The following ADGRV1 variants were observed in gnomAD, a reference collection of about 807,000 sequenced individuals.
The protein encoded by ADGRV1 is G-protein coupled receptor 98.
In ADGRV1, 359 loss-of-function variants were observed where a neutral mutation model predicts 596.2. That is an observed-to-expected ratio of 0.60 (90% CI 0.55 to 0.66). ADGRV1 has a LOEUF of 0.66. ADGRV1 is among the 30% of genes least tolerant of loss of function. The pLI is 0.00. For synonymous variants in ADGRV1, 2,681 were observed against 2,679.2 expected (o/e 1.00, Z -0.02); for missense variants, 7,274 against 7,575.6 (o/e 0.96, Z 1.48).
chr5:90,776,430 G>A (rs749537655), intron 60 of ADGRV1, 23 bp from the exon 61 acceptor site: 59 of 1,596,908 alleles, frequency 3.7e-5, no homozygotes, highest in Non-Finnish European at 4.9e-5. Context: ...GCTACAAAGT[G>A]GTCTATATCA....
intron 89 of ADGRV1, among the ~76,000 whole-genome samples, chr5:91,154,667 T>G (rs1796324107): frequency 6.6e-6 from 1 of 152,214 alleles, no homozygotes. Flanking sequence ...GGAAAGAGGT[T>G]TAATTGACTC....
intron 33 of ADGRV1, 31 bp from the exon 34 acceptor site, chr5:90,696,905 CT>C (rs762758886): frequency 1.9e-6 from 3 of 1,541,288 alleles, no homozygotes; most frequent in Non-Finnish European, 2.7e-6. Flanking sequence ...GATTTTGTTA[CT>C]TTGGTTTTTA....
intron 89 of ADGRV1, among the ~76,000 whole-genome samples, chr5:91,157,194 A>G (rs1275238907): frequency 6.6e-6 from 1 of 152,188 alleles, no homozygotes; most frequent in African/African-American, 2.4e-5. Context: ...GTCAAGTACT[A>G]AAACAGTGGG....
intron 50 of ADGRV1, among the ~76,000 whole-genome samples, chr5:90,732,105 G>A (rs528272526): frequency 1.6e-4 from 25 of 152,116 alleles, no homozygotes; most frequent in Non-Finnish European, 2.6e-4. Context: ...AGTTCAAGCC[G>A]TACTCCCACC....
intron 54 of ADGRV1, among the ~76,000 whole-genome samples, chr5:90,754,086 AG>A (rs1371185966): frequency 6.6e-6 from 1 of 152,124 alleles, no homozygotes; most frequent in Admixed American, 6.6e-5. Flanking sequence ...AGTACAGTAG[AG>A]GTGACTGTTT....
At chr5:90,580,746 C>T (rs1757919463) in intron 1 of ADGRV1, among the ~76,000 whole-genome samples, 1 of 152,060 alleles carries the variant, frequency 6.6e-6, no homozygotes, top group African/African-American at 2.4e-5. Context: ...GTGAATCTGA[C>T]AGTTATGTGT....
chr5:90,929,867 A>G (rs981828370), intron 83 of ADGRV1, among the ~76,000 whole-genome samples: 1 of 152,224 alleles, frequency 6.6e-6, no homozygotes, highest in Admixed American at 6.5e-5. Flanking sequence ...TACAACGTTA[A>G]GGAAAGTAAA....
chr5:90,759,962 T>A (rs1756310347), intron 58 of ADGRV1: 1 of 12,138 alleles, frequency 8.2e-5, no homozygotes, highest in African/African-American at 5.4e-4. Context: ...AGACTCCATC[T>A]CAAAAAAAAA....
chr5:90,879,525 A>G (rs1769553923), intron 83 of ADGRV1, among the ~76,000 whole-genome samples: 1 of 152,246 alleles, frequency 6.6e-6, no homozygotes, highest in South Asian at 2.1e-4. Context: ...TCCTGTTATC[A>G]AAGGAAGAAT....
intron 85 of ADGRV1, among the ~76,000 whole-genome samples, chr5:91,005,057 A>G (rs1321193547): frequency 1.3e-5 from 2 of 152,168 alleles, no homozygotes; most frequent in East Asian, 1.9e-4. Flanking sequence ...AATGCACCAC[A>G]TTCAACCCTA....
At chr5:90,970,562 A>AATATTTGCTGTTCT (rs1778873640) in intron 84 of ADGRV1, among the ~76,000 whole-genome samples, 1 of 127,228 alleles carries the variant, frequency 7.9e-6, no homozygotes, top group Non-Finnish European at 1.6e-5. Context: ...TTTGCTGTTC[A>AATATTTGCTGTTCT]GCAGCCTCTG....
Position 90,867,021 on chromosome 5 carries a change from A to C in ADGRV1, c.17856+3164A>C, listed in dbSNP as rs563408897. Among the ~76,000 whole-genome samples, 8 of 152,224 alleles carry C rather than the reference A, an allele frequency of 5.3e-5. No individual in the cohort carries two copies. In the South Asian group the frequency reaches 1.7e-3, roughly 32 times the overall value. On this transcript the variant is annotated intron_variant, in intron 83 of 89. Transcript: ENST00000405460. ...GGTATTGGGTGATATTTCTGAGAAA[A>C]ACATCTAATTATATCTTTGGGATTT...
At chr5:90,942,614 C>T (rs1314611429) in intron 83 of ADGRV1, among the ~76,000 whole-genome samples, 2 of 152,128 alleles carry the variant, frequency 1.3e-5, no homozygotes. Flanking sequence ...TTCAGCGAGG[C>T]TCTAGGGACT....
chr5:90,699,465 G>T (rs899221985), intron 34 of ADGRV1, among the ~76,000 whole-genome samples: 6 of 152,126 alleles, frequency 3.9e-5, no homozygotes, highest in African/African-American at 1.4e-4. Flanking sequence ...GGTATGGAAG[G>T]TACAAACAAG....
chr5:90,968,820 T>C (rs564518717), intron 84 of ADGRV1, among the ~76,000 whole-genome samples: 38 of 152,344 alleles, frequency 2.5e-4, no homozygotes, highest in African/African-American at 8.9e-4. Context: ...GTTTTTACTT[T>C]AATGATTCTA....
chr5:90,576,803 C>T (rs116136043), intron 1 of ADGRV1, among the ~76,000 whole-genome samples: 2,213 of 152,284 alleles, frequency 0.015, 54 homozygotes, highest in African/African-American at 0.051. Flanking sequence ...TAATGATTGC[C>T]ATTCTGACTG....
intron 3 of ADGRV1, 134 bp from the exon 4 acceptor site, chr5:90,618,952 T>C (rs1012992915): frequency 1.4e-5 from 6 of 417,942 alleles, no homozygotes. Context: ...GTTTACTTAA[T>C]CTGTGCATTA....
chr5:91,027,074 A>G (rs1036355356), intron 85 of ADGRV1, among the ~76,000 whole-genome samples: 2 of 151,426 alleles, frequency 1.3e-5, no homozygotes, highest in African/African-American at 2.4e-5. Context: ...CCCAGGAGGC[A>G]GAGGTTGCAG....
intron 45 of ADGRV1, among the ~76,000 whole-genome samples, chr5:90,721,420 C>T (rs909278906): frequency 7.2e-5 from 11 of 151,732 alleles, no homozygotes; most frequent in East Asian, 1.9e-4. Flanking sequence ...AGGAGAATGG[C>T]GTGAACCTGG....
Sources: allele counts gnomAD v4.1 joint callset (sites outside exome capture counted in the v4.1 genomes callset), GRCh38; gene constraint gnomAD v4.1.1; transcripts MANE v1.5; gene names NCBI Gene and HGNC (gene_info 2026-07-23, HGNC 2026-07-21).